Variants in FAM227A observed in about 807,000 individuals in gnomAD.
FAM227A encodes family with sequence similarity 227 member A.
FAM227A carries 80 observed loss-of-function variants against 74.7 expected under a neutral mutation model. The ratio of observed to expected loss-of-function variants is 1.07; its 90% CI spans 0.89 to 1.29. The LOEUF is 1.29. Ranked by LOEUF, FAM227A falls within the 50% of genes most tolerant of loss-of-function variation. FAM227A has a pLI of 0.00. For missense variants in FAM227A, 654 were observed against 683.4 expected (o/e 0.96, Z 0.48); for synonymous variants, 237 against 241.8 (o/e 0.98, Z 0.19).
Position 38,650,143 on chromosome 22 carries a change from A to G in FAM227A, c.26T>C (p.Val9Ala). The change falls in exon 2 of 17, where the codon GTC becomes GCC. Residue 9 changes from valine to alanine, a missense_variant. Physicochemically the swap from Val to Ala is moderately conservative, Grantham distance 64. Transcript: ENST00000535113. MNHFRKME[V>A]INLTTLPMIP... The stretch of plus-strand genomic sequence containing the variant: ...CATAGGTAGGGTGGTGAGGTTGATG[A>G]CCTCCATCTTCCTGAAGTGATTCAT... 6.4e-7 allele frequency: 1 copy of G among 1,551,648 alleles called. No individual in the cohort carries two copies. Among genetic ancestry groups the G allele is most frequent in the Non-Finnish European group, 8.7e-7 (1 of 1,146,994 alleles).
chr22:38,626,226 G>C lies in FAM227A; in HGVS notation c.804C>G (p.His268Gln), dbSNP rs911077117. Residue 268 changes from histidine to glutamine, a missense_variant, in exon 9 of 17, where the codon CAC becomes CAG. By Grantham distance (24) the His-to-Gln change is conservative (BLOSUM62 0). Transcript: ENST00000535113. ...TGTTACAGATGTCAGACTTGAATTC[G>C]TGCGTGTCGAACCAGGACTGTGGAA... ...CCFPQSWFDT[H>Q]EFKSDICNTM... 1.6e-5 allele frequency: 25 copies of C among 1,551,476 alleles called. No individual in the cohort carries two copies. Among genetic ancestry groups the C allele is most frequent in the Non-Finnish European group, 2.2e-5 (25 of 1,146,952 alleles).
intron 13 of FAM227A, among the ~76,000 whole-genome samples, chr22:38,600,893 A>G (rs1443505920): frequency 6.6e-6 from 1 of 151,350 alleles, no homozygotes; most frequent in East Asian, 2.0e-4. Context: ...CGGAGGTTGC[A>G]GTGAGCCGAG....
At chr22:38,618,246 A>T (rs772433645) in intron 11 of FAM227A, 6 of 152,186 alleles carry the variant, frequency 3.9e-5, no homozygotes, top group Non-Finnish European at 8.8e-5. Flanking sequence ...GCAGAGCATA[A>T]ATTTTCCTTT....
chr22:38,630,680 TCAA>T (rs2091898824), intron 6 of FAM227A, among the ~76,000 whole-genome samples: 1 of 152,298 alleles, frequency 6.6e-6, no homozygotes, highest in East Asian at 1.9e-4. Context: ...TGTCAGCTCT[TCAA>T]CAAATATTTA....
chr22:38,599,024 T>G (rs1221887317), intron 14 of FAM227A, among the ~76,000 whole-genome samples: 4 of 151,482 alleles, frequency 2.6e-5, no homozygotes, highest in African/African-American at 9.7e-5. Flanking sequence ...TGGCGTGATC[T>G]CGGGTCACTG....
At chr22:38,603,154 G>A (rs1305035042) in intron 13 of FAM227A, among the ~76,000 whole-genome samples, 1 of 152,184 alleles carries the variant, frequency 6.6e-6, no homozygotes, top group Admixed American at 6.5e-5. Flanking sequence ...GATTACAGGT[G>A]TGAGCCACCA....
chr22:38,637,728 C>T (rs1360430042), intron 5 of FAM227A, among the ~76,000 whole-genome samples: 1 of 152,206 alleles, frequency 6.6e-6, no homozygotes, highest in Non-Finnish European at 1.5e-5. Context: ...TATGACAGTT[C>T]CAATGCAGAC....
At chr22:38,655,854 G>A (rs2092385157) in intron 1 of FAM227A, among the ~76,000 whole-genome samples, 1 of 152,142 alleles carries the variant, frequency 6.6e-6, no homozygotes, top group Non-Finnish European at 1.5e-5. Context: ...CTCACTGGAT[G>A]CCCTGATACA....
intron 16 of FAM227A, among the ~76,000 whole-genome samples, chr22:38,590,225 A>G (rs939115868): frequency 6.7e-6 from 1 of 148,634 alleles, no homozygotes. Context: ...AGTTGCAGTG[A>G]GCCAAGATTG....
chr22:38,648,809 C>T (rs745839537), intron 2 of FAM227A, among the ~76,000 whole-genome samples: 2 of 151,568 alleles, frequency 1.3e-5, no homozygotes, highest in Non-Finnish European at 2.9e-5. Context: ...CCCGTCTCTA[C>T]TAAAAATACA....
intron 10 of FAM227A, among the ~76,000 whole-genome samples, chr22:38,622,457 C>G (rs1162351342): frequency 6.6e-6 from 1 of 152,236 alleles, no homozygotes; most frequent in Non-Finnish European, 1.5e-5. Context: ...GCACCCAGAA[C>G]TCATTATGGG....
chr22:38,593,661 C>G (rs1450870276), intron 15 of FAM227A, among the ~76,000 whole-genome samples: 2 of 152,146 alleles, frequency 1.3e-5, no homozygotes, highest in Non-Finnish European at 1.5e-5. Context: ...AATCTCTCCC[C>G]CTTCACACAG....
chr22:38,641,734 A>C (rs1300474377), intron 3 of FAM227A, among the ~76,000 whole-genome samples: 1 of 151,830 alleles, frequency 6.6e-6, no homozygotes, highest in African/African-American at 2.4e-5. Flanking sequence ...CTCATTTTCA[A>C]ATCTCTCTAT....
At chr22:38,628,674 T>C (rs570749748) in intron 7 of FAM227A, among the ~76,000 whole-genome samples, 160 bp downstream of exon 7, 1 of 152,112 alleles carries the variant, frequency 6.6e-6, no homozygotes, top group East Asian at 1.9e-4. Flanking sequence ...GCACAGGGTG[T>C]GTGGCTGAGG....
chr22:38,624,138 C>G (rs766009540), intron 9 of FAM227A, among the ~76,000 whole-genome samples: 5 of 152,194 alleles, frequency 3.3e-5, no homozygotes, highest in Non-Finnish European at 7.3e-5. Flanking sequence ...TTGTTCAGTG[C>G]TCATGCCTGT....
At chr22:38,586,891 G>C (rs2090822117) in intron 16 of FAM227A, among the ~76,000 whole-genome samples, 1 of 151,648 alleles carries the variant, frequency 6.6e-6, no homozygotes, top group African/African-American at 2.4e-5. Context: ...TGTTGACCAA[G>C]ATAGTCTCAA....
chr22:38,603,543 T>A (rs1472754633), intron 13 of FAM227A, among the ~76,000 whole-genome samples: 1 of 151,856 alleles, frequency 6.6e-6, no homozygotes, highest in Non-Finnish European at 1.5e-5. Flanking sequence ...CCTCTCCTCA[T>A]CTCTTTAAAC....
At chr22:38,594,267 G>A (rs1369269375) in intron 15 of FAM227A, among the ~76,000 whole-genome samples, 1 of 152,094 alleles carries the variant, frequency 6.6e-6, no homozygotes, top group South Asian at 2.1e-4. Flanking sequence ...TTTATGGTCA[G>A]TGTGTCTGCA....
Position 38,623,318 on chromosome 22 carries a change from G to A in FAM227A, c.851-39C>T, listed in dbSNP as rs1430981945. On this transcript the variant is annotated intron_variant, in intron 9 of 16. Coordinates refer to ENST00000535113, the MANE Select transcript of FAM227A (RefSeq NM_001013647.2). Reference sequence around the variant, plus strand: ...CAAGAGTGAGAATGGGGCCGGGTGCGGTGGATCACGCCTGTAATCCCAGAA... The same window carrying A: ...CAAGAGTGAGAATGGGGCCGGGTGCAGTGGATCACGCCTGTAATCCCAGAA... 38 of 1,365,746 alleles carry A rather than the reference G, an allele frequency of 2.8e-5. No individual in the cohort carries two copies. In the Middle Eastern group the frequency reaches 7.7e-4, roughly 28 times the overall value. 84.6% of individuals were successfully genotyped at this position (1,365,746 alleles called of 1,614,324 possible). A position where few individuals can be genotyped will look rare whatever the true frequency, so the allele number is the denominator to read the frequency against.
Sources: allele counts gnomAD v4.1 joint callset (sites outside exome capture counted in the v4.1 genomes callset), GRCh38; gene constraint gnomAD v4.1.1; transcripts MANE v1.5; gene names NCBI Gene and HGNC (gene_info 2026-07-23, HGNC 2026-07-21).